ASB3: variants seen among roughly 807,000 people sequenced by gnomAD.
ASB3 encodes ankyrin repeat and SOCS box protein 3.
ASB3 carries 41 observed loss-of-function variants against 54.5 expected under a neutral mutation model. The observed-to-expected ratio is 0.75, with a 90% CI of 0.59 to 0.98. The LOEUF is 0.98. ASB3 is among the 50% of genes least tolerant of loss of function. The pLI is 0.00. For synonymous variants in ASB3, 266 were observed against 221.2 expected, an observed-to-expected ratio of 1.20 and a Z score of -1.80; for missense variants, 733 against 620.0, an observed-to-expected ratio of 1.18 and a Z score of -1.94.
At chr2:53,707,543 G>A (rs1333213614) in intron 7 of ASB3, among the ~76,000 whole-genome samples, 1 of 151,868 alleles carries the variant, frequency 6.6e-6, no homozygotes, top group Admixed American at 6.6e-5. Flanking sequence ...AGCTACTCGG[G>A]AGGCTGAGGT....
intron 8 of ASB3, 48 bp downstream of exon 8, chr2:53,700,223 G>C: frequency 6.3e-7 from 1 of 1,575,982 alleles, no homozygotes; most frequent in Non-Finnish European, 8.6e-7. Context: ...ATTAAAGGTA[G>C]TATATTCACT....
At chr2:53,748,488 T>A (rs1257102013) in intron 3 of ASB3, 2 of 152,234 alleles carry the variant, frequency 1.3e-5, no homozygotes, top group African/African-American at 2.4e-5. Flanking sequence ...AAAGCTTCCA[T>A]GAAACGTGTA....
chr2:53,730,614 T>A (rs1416398120), intron 3 of ASB3, among the ~76,000 whole-genome samples: 1 of 152,148 alleles, frequency 6.6e-6, no homozygotes, highest in Non-Finnish European at 1.5e-5. Context: ...CTCTGAGGAA[T>A]CACCATACCG....
At chr2:53,736,904 A>C (rs1671667944) in intron 3 of ASB3, among the ~76,000 whole-genome samples, 1 of 152,066 alleles carries the variant, frequency 6.6e-6, no homozygotes, top group African/African-American at 2.4e-5. Flanking sequence ...GAATCACTTC[A>C]ACCCAGGAAG....
At chr2:53,699,347 G>A (rs912112596) in intron 8 of ASB3, among the ~76,000 whole-genome samples, 9 of 152,174 alleles carry the variant, frequency 5.9e-5, no homozygotes, top group East Asian at 1.9e-4. Flanking sequence ...CACAGCAGTA[G>A]GTATCAGACA....
At chr2:53,783,343 A>C (rs574146771) in intron 1 of ASB3, among the ~76,000 whole-genome samples, 1 of 152,324 alleles carries the variant, frequency 6.6e-6, no homozygotes, top group South Asian at 2.1e-4. Flanking sequence ...CCTTCGTATT[A>C]TGTATTTTTT....
At position 53,700,424 on chromosome 2, in the gene ASB3, C is replaced by A. The variant is rs777013901; in HGVS notation, c.1085G>T (p.Arg362Leu). ...TGAGCAACCTTTCCTCAAAAAGTAG[C>A]GAAATATCGAAAACTTCTCGTACTT... ...CLKYEKFSIF[R>L]YFLRKGCSLG... The change falls in exon 8 of 10, where the codon CGC becomes CTC. Residue 362 changes from arginine to leucine, a missense_variant. Arg to Leu is a moderately radical substitution (Grantham distance 102). Coordinates refer to ENST00000263634, the MANE Select transcript of ASB3 (RefSeq NM_016115.5). 6.2e-7 allele frequency: 1 copy of A among 1,613,874 alleles called. No homozygotes were observed. The highest frequency in any genetic ancestry group is 8.5e-7 in the Non-Finnish European group (1 of 1,179,982).
Position 53,728,855 on chromosome 2 carries a change from A to T in ASB3, c.469-8T>A, listed in dbSNP as rs753351645. The stretch of plus-strand genomic sequence containing the variant: ...TATGATCTCAGCATTTTCCTAAAGC[A>T]CAGATTCACATTTTAAATAAGAAAA... On this transcript the variant is annotated splice_polypyrimidine_tract_variant and splice_region_variant and intron_variant, in intron 4 of 9. Transcript: ENST00000263634. 1.9e-6 allele frequency: 3 copies of T among 1,583,450 alleles called. No individual in the cohort carries two copies. Among genetic ancestry groups the T allele is most frequent in the Non-Finnish European group, 2.6e-6 (3 of 1,165,500 alleles).
chr2:53,756,701 G>A (rs1000999282), intron 2 of ASB3, among the ~76,000 whole-genome samples: 8 of 152,124 alleles, frequency 5.3e-5, no homozygotes, highest in Middle Eastern at 3.2e-3. Flanking sequence ...ATTAAATCTT[G>A]CAACTGCACA....
intron 7 of ASB3, among the ~76,000 whole-genome samples, chr2:53,708,487 G>C (rs2103805387): frequency 6.6e-6 from 1 of 152,328 alleles, no homozygotes; most frequent in East Asian, 1.9e-4. Context: ...GCACTGAAGA[G>C]TGGGGCATTG....
intron 1 of ASB3, chr2:53,768,014 C>G: frequency 2.0e-5 from 32 of 1,613,508 alleles, no homozygotes; most frequent in Non-Finnish European, 2.7e-5. Flanking sequence ...CGCGGGGTCC[C>G]CGGCAAGGTG....
intron 9 of ASB3, among the ~76,000 whole-genome samples, chr2:53,690,794 T>C (rs1028561175): frequency 1.3e-5 from 2 of 152,134 alleles, no homozygotes; most frequent in Admixed American, 6.5e-5. Flanking sequence ...TTTTAAATCC[T>C]TTTCAAAACA....
chr2:53,758,777 G>C (rs776410304), intron 2 of ASB3, among the ~76,000 whole-genome samples: 1 of 152,136 alleles, frequency 6.6e-6, no homozygotes. Flanking sequence ...CTGGGATAAT[G>C]CTCATTGGAA....
intron 5 of ASB3, among the ~76,000 whole-genome samples, chr2:53,726,631 T>TACACATATATATAC (rs1199222796): frequency 1.3e-5 from 2 of 151,346 alleles, no homozygotes; most frequent in East Asian, 1.9e-4. Context: ...CATATATATA[T>TACACATATATATAC]ACACATATAT....
intron 2 of ASB3, among the ~76,000 whole-genome samples, chr2:53,753,982 C>A (rs74258799): frequency 0.042 from 6,392 of 152,038 alleles, 363 homozygotes; most frequent in East Asian, 0.28. Context: ...TAAAAGAAAC[C>A]AGCACTCTTA....
intron 5 of ASB3, among the ~76,000 whole-genome samples, chr2:53,720,254 T>C (rs1382510857): frequency 6.6e-6 from 1 of 152,214 alleles, no homozygotes; most frequent in African/African-American, 2.4e-5. Flanking sequence ...CTTATATATG[T>C]TGATTGATGT....
At chr2:53,771,071 G>C (rs962085599) in intron 1 of ASB3, among the ~76,000 whole-genome samples, 1 of 152,164 alleles carries the variant, frequency 6.6e-6, no homozygotes, top group African/African-American at 2.4e-5. Context: ...CAAATTCTTA[G>C]ACAGCTCCAG....
rs975368860 is a variant in ASB3, at chr2:53,768,205, C to T, written c.-13-2620G>A. ...CCCGCCATCTCTAACCCAGCCCGGG[C>T]ACTCCTTCCGAAGCTGCTTAAGATG... On this transcript the variant is annotated intron_variant, in intron 1 of 9. Coordinates refer to ENST00000263634, the MANE Select transcript of ASB3 (RefSeq NM_016115.5). 6 of 674,888 alleles carry T rather than the reference C, an allele frequency of 8.9e-6. No individual in the cohort carries two copies. The Admixed American group carries it at 1.5e-4, about 17-fold the overall frequency. 41.8% of individuals were successfully genotyped at this position (674,888 alleles called of 1,614,324 possible). A position where few individuals can be genotyped will look rare whatever the true frequency, so the allele number is the denominator to read the frequency against.
At chr2:53,678,359 T>C (rs975645020) in intron 9 of ASB3, among the ~76,000 whole-genome samples, 7 of 152,186 alleles carry the variant, frequency 4.6e-5, no homozygotes, top group Non-Finnish European at 1.0e-4. Flanking sequence ...TTTTATCACA[T>C]AACATGCCTG....
Sources: gnomAD v4.1 joint callset for allele counts (sites outside exome capture counted in the v4.1 genomes callset) on GRCh38, gnomAD v4.1.1 for gene constraint, MANE v1.5 for transcripts, NCBI Gene and HGNC (gene_info 2026-07-23, HGNC 2026-07-21) for gene names.